The following ANK3 variants were observed in gnomAD, a reference collection of about 807,000 sequenced individuals.
ANK3 encodes the protein ankyrin-3.
ANK3 carries 57 observed loss-of-function variants against 370.9 expected under a neutral mutation model. The observed-to-expected ratio is 0.15, with a 90% CI of 0.12 to 0.19. ANK3 has a LOEUF of 0.19. Among genes scored for constraint, ANK3 ranks in the 10% least tolerant of loss-of-function variants. The probability of loss-of-function intolerance (pLI) is 1.00; values close to 1 mark genes in which losing one functional copy is unlikely to be tolerated. For missense variants in ANK3, 4,439 were observed against 5,302.1 expected (o/e 0.84, Z 5.06); for synonymous variants, 1,929 against 1,946.3 (o/e 0.99, Z 0.23).
intron 2 of ANK3, among the ~76,000 whole-genome samples, chr10:60,562,718 T>G (rs2077367649): frequency 6.6e-6 from 1 of 152,218 alleles, no homozygotes; most frequent in Non-Finnish European, 1.5e-5. Context: ...TTTCTAGATT[T>G]TTAGCTATTA....
Position 60,075,034 on chromosome 10 carries a change from C to T in ANK3, c.5847G>A (p.Glu1949=). ...IDDEEPFKIV[E]KVKEDLVKVS... ...CTTTCACTAAGTCTTCCTTTACTTTCTCTACAATTTTGAAAGGTTCTTCAT... is the reference window on the plus strand; with the variant it reads ...CTTTCACTAAGTCTTCCTTTACTTTTTCTACAATTTTGAAAGGTTCTTCAT... The change falls in exon 37 of 44, where the codon GAG becomes GAA. Residue 1949 remains glutamate, a synonymous_variant. Transcript: ENST00000280772. The T allele has an allele frequency of 3.7e-6, 6 of 1,613,858 alleles. No individual in the cohort carries two copies. The highest frequency in any genetic ancestry group is 5.1e-6 in the Non-Finnish European group (6 of 1,179,944).
At chr10:60,065,043 TCA>T (rs2081364601) in intron 38 of ANK3, among the ~76,000 whole-genome samples, 2 of 152,194 alleles carry the variant, frequency 1.3e-5, no homozygotes, top group Non-Finnish European at 2.9e-5. Context: ...TATCTTTTAC[TCA>T]CATAATATGC....
chr10:60,088,470 G>T, intron 28 of ANK3, 112 bp from the exon 29 acceptor site: 1 of 946,658 alleles, frequency 1.1e-6, no homozygotes, highest in Non-Finnish European at 1.6e-6. Context: ...TTGTTACCCA[G>T]GCTGAAGTGC....
At chr10:60,172,783 T>G (rs1218452150) in intron 20 of ANK3, 117 bp downstream of exon 20, 1 of 654,270 alleles carries the variant, frequency 1.5e-6, no homozygotes, top group East Asian at 2.7e-5. Context: ...TTCCTCATTC[T>G]ACTGAATGCT....
At chr10:60,532,458 T>C (rs1431528526) in intron 2 of ANK3, among the ~76,000 whole-genome samples, 3 of 151,580 alleles carry the variant, frequency 2.0e-5, no homozygotes, top group African/African-American at 7.3e-5. Context: ...TCTCAAACCT[T>C]TAGAGTCCCA....
intron 2 of ANK3, among the ~76,000 whole-genome samples, chr10:60,536,928 A>G (rs1429295775): frequency 6.6e-6 from 1 of 152,090 alleles, no homozygotes; most frequent in African/African-American, 2.4e-5. Context: ...ACTTTTCTAA[A>G]TTAAAGTAAT....
chr10:60,583,176 TA>T lies in ANK3; in HGVS notation c.96+32009del, dbSNP rs373258696. Among the ~76,000 whole-genome samples, 874 of 152,112 alleles carry T rather than the reference TA, an allele frequency of 5.7e-3. 5 individuals are homozygous for T. The highest frequency in any genetic ancestry group is 0.01 in the Middle Eastern group (3 of 294). ...TGCACAATGGAATACTATTCAACCA[TA>T]AAAAAAGGATGAAATCTTGTCATTT... is the stretch of plus-strand genomic sequence containing the variant. On this transcript the variant is annotated intron_variant, in intron 2 of 43. Coordinates refer to the ANK3 transcript ENST00000373827.
At position 60,064,094 on chromosome 10, in the gene ANK3, G is replaced by A. The variant is rs1007304257; in HGVS notation, c.12451+63C>T. 4.9e-6 allele frequency: 7 copies of A among 1,419,592 alleles called. No homozygotes were observed. The African/African-American group carries it at 1.0e-4, about 21-fold the overall frequency. The allele number at this position is 1,419,592 out of a possible 1,614,324, so 87.9% of individuals were successfully genotyped here. On this transcript the variant is annotated intron_variant, in intron 39 of 43. Coordinates refer to ENST00000280772, the MANE Select transcript of ANK3 (RefSeq NM_020987.5). ...CACTACTTGGATGAACCTAACAGTT[G>A]GCTTATCTAAAATATTACATTTATG...
intron 2 of ANK3, among the ~76,000 whole-genome samples, chr10:60,515,186 G>T (rs1595184578): frequency 6.6e-6 from 1 of 152,084 alleles, no homozygotes; most frequent in Non-Finnish European, 1.5e-5. Flanking sequence ...CTTCCAAAAG[G>T]CATCTGATAT....
chr10:60,622,827 G>A (rs1017663309), intron 1 of ANK3, among the ~76,000 whole-genome samples: 2 of 152,198 alleles, frequency 1.3e-5, no homozygotes, highest in East Asian at 1.9e-4. Context: ...TGGGACCAAC[G>A]GAACCCAGTC....
Position 60,530,725 on chromosome 10 carries a change from C to A in ANK3, c.96+84461G>T, listed in dbSNP as rs554379145. 1.3e-4 allele frequency among the ~76,000 whole-genome samples: 20 copies of A among 152,266 alleles called. No homozygotes were observed. In the South Asian group the frequency reaches 2.3e-3, roughly 17 times the overall value. On this transcript the variant is annotated intron_variant, in intron 2 of 43. Transcript: ENST00000373827. ...GGAACGCACACACAGGGTTTTGGAT[C>A]TTGGAAGAAGTGAGTTAACACCTTA...
At chr10:60,518,930 C>T (rs766571184) in intron 2 of ANK3, among the ~76,000 whole-genome samples, 2 of 152,080 alleles carry the variant, frequency 1.3e-5, no homozygotes, top group Non-Finnish European at 2.9e-5. Context: ...CACTGGGAGG[C>T]GTCCCCATCT....
chr10:60,039,476 C>T (rs976065471), intron 43 of ANK3, among the ~76,000 whole-genome samples: 1 of 152,100 alleles, frequency 6.6e-6, no homozygotes, highest in African/African-American at 2.4e-5. Flanking sequence ...GAATAAAAAA[C>T]TATGAGTCCT....
At chr10:60,592,153 C>T (rs1283234526) in intron 2 of ANK3, among the ~76,000 whole-genome samples, 1 of 152,034 alleles carries the variant, frequency 6.6e-6, no homozygotes, top group Admixed American at 6.6e-5. Flanking sequence ...GCTTATTTCA[C>T]ATTGAATGCC....
intron 2 of ANK3, among the ~76,000 whole-genome samples, chr10:60,612,965 G>A (rs755915676): frequency 2.6e-5 from 4 of 152,156 alleles, no homozygotes; most frequent in Non-Finnish European, 5.9e-5. Flanking sequence ...AATGGCTGAA[G>A]GCTATAAATG....
intron 42 of ANK3, chr10:60,051,547 A>G: frequency 1.0e-6 from 1 of 985,670 alleles, no homozygotes; most frequent in Non-Finnish European, 1.2e-6. Context: ...AATCACTCTC[A>G]CTGTCTTTCA....
chr10:60,365,359 C>T (rs766850249), intron 1 of ANK3, among the ~76,000 whole-genome samples: 10 of 152,106 alleles, frequency 6.6e-5, no homozygotes, highest in Non-Finnish European at 1.3e-4. Flanking sequence ...TAATCCAAAT[C>T]TGATAACACC....
chr10:60,028,746 G>A lies in ANK3; in HGVS notation c.*1100C>T, dbSNP rs1235583641. 1.3e-5 allele frequency: 2 copies of A among 152,430 alleles called. No individual in the cohort carries two copies. The highest frequency in any genetic ancestry group is 4.8e-5 in the African/African-American group (2 of 41,370). 9.4% of individuals were successfully genotyped at this position (152,430 alleles called of 1,614,324 possible). On this transcript the variant is annotated 3_prime_UTR_variant, in exon 44 of 44. Transcript: ENST00000280772. ...TGTTCAGTCCTTTTTAAATACCCCC[G>A]ACTGGGGCCTTTTATGAGCACCATC...
chr10:60,216,146 T>C (rs997896991), intron 8 of ANK3, among the ~76,000 whole-genome samples: 5 of 151,382 alleles, frequency 3.3e-5, no homozygotes, highest in African/African-American at 9.7e-5. Context: ...TTGGCACTTA[T>C]CAGTTTAAGG....
Sources: allele counts gnomAD v4.1 joint callset (sites outside exome capture counted in the v4.1 genomes callset), GRCh38; gene constraint gnomAD v4.1.1; transcripts MANE v1.5; gene names NCBI Gene and HGNC (gene_info 2026-07-23, HGNC 2026-07-21).